The following SDCBP2 variants were observed in gnomAD, a reference collection of about 807,000 sequenced individuals.
The protein encoded by SDCBP2 is syndecan binding protein 2, also known as syntenin-2.
In SDCBP2, 28 loss-of-function variants were observed where a neutral mutation model predicts 30.7. The observed-to-expected ratio is 0.91, with a 90% CI of 0.68 to 1.25. The LOEUF (loss-of-function observed/expected upper bound fraction) is 1.25, where lower values mean the gene tolerates loss of function less well. Ranked by LOEUF, SDCBP2 falls within the 50% of genes most tolerant of loss-of-function variation. The pLI, the probability that SDCBP2 is intolerant of heterozygous loss-of-function variation, is 0.00. For synonymous variants in SDCBP2, 166 were observed against 157.3 expected, an observed-to-expected ratio of 1.06 and a Z score of -0.41; for missense variants, 399 against 379.0, an observed-to-expected ratio of 1.05 and a Z score of -0.44.
Position 1,313,285 on chromosome 20 carries a change from G to T in SDCBP2, c.384+55C>A. On this transcript the variant is annotated intron_variant, in intron 5 of 8. Coordinates refer to ENST00000360779, the MANE Select transcript of SDCBP2 (RefSeq NM_080489.5). The surrounding 1 kb of genome is among the most constrained non-coding windows in gnomAD (Gnocchi z 5.2). ...CGGGCCCTCTGAGCTCTGAGGCCTG[G>T]CGGGAGAGCGCGTGCAGCTCGAGCT... The T allele has an allele frequency of 6.4e-7, 1 of 1,560,174 alleles. No individual in the cohort carries two copies. The highest frequency in any genetic ancestry group is 1.2e-5 in the South Asian group (1 of 86,644).
At chr20:1,314,931 A>G (rs1229351196) in intron 4 of SDCBP2, among the ~76,000 whole-genome samples, 5 of 152,250 alleles carry the variant, frequency 3.3e-5, no homozygotes, top group Non-Finnish European at 7.3e-5. Flanking sequence ...AATTGCCACC[A>G]AATTGATATA....
At chr20:1,323,419 G>C (rs1000524088) in intron 1 of SDCBP2, 7 of 152,180 alleles carry the variant, frequency 4.6e-5, no homozygotes, top group Non-Finnish European at 1.0e-4. Flanking sequence ...TTAACCAGTA[G>C]AGCACTTATA....
At chr20:1,317,189 C>T (rs530396092) in intron 4 of SDCBP2, among the ~76,000 whole-genome samples, 1 of 152,186 alleles carries the variant, frequency 6.6e-6, no homozygotes, top group South Asian at 2.1e-4. Flanking sequence ...TTACATGAAT[C>T]TACACACTGA....
At chr20:1,325,825 C>T (rs1055312772) in intron 1 of SDCBP2, 3 of 152,206 alleles carry the variant, frequency 2.0e-5, no homozygotes, top group African/African-American at 7.2e-5. Flanking sequence ...TCCCCCGTTT[C>T]TCACCCGTTT....
intron 1 of SDCBP2, among the ~76,000 whole-genome samples, chr20:1,326,825 C>T (rs2122551867): frequency 6.6e-6 from 1 of 152,356 alleles, no homozygotes; most frequent in Middle Eastern, 3.4e-3. Context: ...GAGCACAGTG[C>T]CTGGCACACA....
chr20:1,320,578 C>A lies in SDCBP2; in HGVS notation c.-19-143G>T. 3.3e-6 allele frequency: 2 copies of A among 609,804 alleles called. No homozygotes were observed. The highest frequency in any genetic ancestry group is 5.9e-6 in the Non-Finnish European group (2 of 340,680). 37.8% of individuals were successfully genotyped at this position (609,804 alleles called of 1,614,324 possible). The stretch of plus-strand genomic sequence containing the variant: ...AGGGCACTTAGAATGCCTCCCCGAA[C>A]TCCACCCCTAATCCCCTGTCGATAT... On this transcript the variant is annotated intron_variant, in intron 1 of 8. Transcript: ENST00000360779. This position sits in a 1 kb window ranked among gnomAD's most constrained non-coding sequence, Gnocchi z 4.7.
At chr20:1,326,638 AGAC>A (rs2088931854) in intron 1 of SDCBP2, among the ~76,000 whole-genome samples, 1 of 152,192 alleles carries the variant, frequency 6.6e-6, no homozygotes, top group Non-Finnish European at 1.5e-5. Flanking sequence ...TCCCTTCTCT[AGAC>A]GACAGCATTT....
intron 1 of SDCBP2, among the ~76,000 whole-genome samples, chr20:1,327,958 T>C (rs1474894684): frequency 6.6e-6 from 1 of 152,228 alleles, no homozygotes; most frequent in African/African-American, 2.4e-5. Context: ...GCTTTGTGAC[T>C]CTGTGTGCTG....
At position 1,310,387 on chromosome 20, in the gene SDCBP2, C is replaced by G; in HGVS notation, c.*54G>C. ...AACCCATCATCCGAGGGTGGTTGCC[C>G]TTTGCTGCAGGAGGGCGGGAAGCCC... On this transcript the variant is annotated 3_prime_UTR_variant, in exon 9 of 9. Coordinates refer to ENST00000360779, the MANE Select transcript of SDCBP2 (RefSeq NM_080489.5). 1 of 1,589,090 alleles carries G rather than the reference C, an allele frequency of 6.3e-7. No homozygotes were observed. Among genetic ancestry groups the G allele is most frequent in the Non-Finnish European group, 8.6e-7 (1 of 1,160,288 alleles).
intron 1 of SDCBP2, among the ~76,000 whole-genome samples, chr20:1,326,915 C>T (rs1412895470): frequency 6.6e-6 from 1 of 152,244 alleles, no homozygotes; most frequent in Non-Finnish European, 1.5e-5. Context: ...CCTAAATATA[C>T]AGTCTTTCTT....
Position 1,310,830 on chromosome 20 carries a change from G to A in SDCBP2, c.794C>T (p.Pro265Leu). 6.2e-7 allele frequency: 1 copy of A among 1,614,004 alleles called. No homozygotes were observed. Among genetic ancestry groups the A allele is most frequent in the Admixed American group, 1.7e-5 (1 of 60,010 alleles). The change falls in exon 8 of 9, where the codon CCC becomes CTC. Residue 265 changes from proline to leucine, a missense_variant. By Grantham distance (98) the Pro-to-Leu change is moderately conservative. Transcript: ENST00000360779. ...GACCATGTGCTCGTAGATCACACTG[G>A]GGATGATGGTCAGGGTGACAACGTT... The part of the protein sequence containing the change: ...AGNVVTLTII[P>L]SVIYEHMVKK...
At chr20:1,323,531 C>G (rs2088876110) in intron 1 of SDCBP2, 1 of 152,184 alleles carries the variant, frequency 6.6e-6, no homozygotes, top group South Asian at 2.1e-4. Flanking sequence ...GTCTGAGATC[C>G]TTTCACCACT....
intron 4 of SDCBP2, among the ~76,000 whole-genome samples, chr20:1,315,711 T>G (rs141295727): frequency 6.6e-6 from 1 of 152,148 alleles, no homozygotes; most frequent in Non-Finnish European, 1.5e-5. Context: ...CTTTCGGACT[T>G]AGGGCTAGGT....
chr20:1,318,214 G>A (rs1312144751), intron 4 of SDCBP2, 104 bp downstream of exon 4: 5 of 810,030 alleles, frequency 6.2e-6, no homozygotes, highest in Non-Finnish European at 1.1e-5. Context: ...GGAGAGGGGA[G>A]GTCCGAGCAC....
rs1044600750 is a variant in SDCBP2 at position 1,321,867 on chromosome 20, A to T, written c.-19-1432T>A. ...ATAATCGAATTTCCCACTGCTCCCA[A>T]AAAACAGGAAGCTTTGGCAACCCTA... On this transcript the variant is annotated intron_variant, in intron 1 of 8. Coordinates refer to ENST00000360779, the MANE Select transcript of SDCBP2 (RefSeq NM_080489.5). The surrounding 1 kb of genome is among the most constrained non-coding windows in gnomAD (Gnocchi z 5.2). 1.3e-5 allele frequency: 2 copies of T among 152,244 alleles called. No homozygotes were observed. The highest frequency in any genetic ancestry group is 4.8e-5 in the African/African-American group (2 of 41,456). The allele number at this position is 152,244 out of a possible 1,614,324, so 9.4% of individuals were successfully genotyped here. A position where few individuals can be genotyped will look rare whatever the true frequency, so the allele number is the denominator to read the frequency against.
At chr20:1,327,247 G>T (rs1260885101) in intron 1 of SDCBP2, among the ~76,000 whole-genome samples, 1 of 152,090 alleles carries the variant, frequency 6.6e-6, no homozygotes, top group Non-Finnish European at 1.5e-5. Flanking sequence ...CCAATAGCTG[G>T]GCTTCGGAGA....
At chr20:1,327,406 G>T (rs192473848) in intron 1 of SDCBP2, among the ~76,000 whole-genome samples, 1 of 152,204 alleles carries the variant, frequency 6.6e-6, no homozygotes. Context: ...GACAGTGCGC[G>T]GGAGGGAAGC....
At chr20:1,328,914 CAGA>C (rs996312595) in intron 1 of SDCBP2, among the ~76,000 whole-genome samples, 168 bp downstream of exon 1, 1 of 152,116 alleles carries the variant, frequency 6.6e-6, no homozygotes, top group African/African-American at 2.4e-5. Context: ...GGGCTGGGAT[CAGA>C]AGAAGAAACC....
At chr20:1,325,178 C>A (rs1229200862) in intron 1 of SDCBP2, among the ~76,000 whole-genome samples, 1 of 152,204 alleles carries the variant, frequency 6.6e-6, no homozygotes, top group African/African-American at 2.4e-5. Context: ...TGCCTCCAAC[C>A]CAGCCTCAGT....
Sources: gnomAD v4.1 joint callset for allele counts (sites outside exome capture counted in the v4.1 genomes callset) on GRCh38, gnomAD v4.1.1 for gene constraint, Gnocchi (gnomAD v3.1) non-coding constraint, MANE v1.5 for transcripts, NCBI Gene and HGNC (gene_info 2026-07-23, HGNC 2026-07-21) for gene names.